PEX14: variants seen among roughly 807,000 people sequenced by gnomAD.
The protein encoded by PEX14 is peroxisomal biogenesis factor 14.
PEX14 carries 15 observed loss-of-function variants against 49.5 expected under a neutral mutation model. That is an observed-to-expected ratio of 0.30 (90% CI 0.20 to 0.47). PEX14 has a LOEUF of 0.47. PEX14 is among the 20% of genes least tolerant of loss of function. The pLI is 1.00. For missense variants in PEX14, 398 were observed against 494.8 expected (o/e 0.80, Z 1.86); for synonymous variants, 210 against 212.7 (o/e 0.99, Z 0.11).
chr1:10,497,608 C>G (rs1018968509), intron 2 of PEX14, among the ~76,000 whole-genome samples: 2 of 152,176 alleles, frequency 1.3e-5, no homozygotes, highest in Non-Finnish European at 2.9e-5. Flanking sequence ...AATAGCACAA[C>G]ATTGTGTATC....
At chr1:10,563,960 A>G (rs2124536047) in intron 3 of PEX14, among the ~76,000 whole-genome samples, 1 of 152,018 alleles carries the variant, frequency 6.6e-6, no homozygotes, top group African/African-American at 2.4e-5. Context: ...TTCTATTGTC[A>G]TCTTTCAGTC....
At chr1:10,605,512 G>T (rs1641100845) in intron 4 of PEX14, among the ~76,000 whole-genome samples, 1 of 152,254 alleles carries the variant, frequency 6.6e-6, no homozygotes, top group East Asian at 1.9e-4. Flanking sequence ...TGGCTTTGAA[G>T]ATCAGTCAGC....
intron 3 of PEX14, among the ~76,000 whole-genome samples, chr1:10,562,890 G>T (rs796870644): frequency 6.7e-5 from 10 of 149,392 alleles, no homozygotes; most frequent in African/African-American, 1.7e-4. Context: ...TTGCTGAATG[G>T]TGATTTTCTT....
rs187823949 is a variant in PEX14 at position 10,483,383 on chromosome 1, C to T, written c.36+8381C>T. ...CCAGGGTGGAGTGCAGTGGTATGAT[C>T]TCGGCTTACTGCAATCTCCACTTCC... is the stretch of plus-strand genomic sequence containing the variant. On this transcript the variant is annotated intron_variant, in intron 1 of 8. Transcript: ENST00000356607. Among the ~76,000 whole-genome samples, 104 of 152,208 alleles carry T rather than the reference C, an allele frequency of 6.8e-4. 1 individual carries two copies. The highest frequency in any genetic ancestry group is 6.7e-3 in the Admixed American group (103 of 15,274).
In PEX14 at chr1:10,552,807, C is replaced by G. The variant is rs187371508; in HGVS notation, c.169+16510C>G. Among the ~76,000 whole-genome samples, 82 of 152,070 alleles carry G rather than the reference C, an allele frequency of 5.4e-4. 1 individual carries two copies. In the South Asian group the frequency reaches 0.012, roughly 22 times the overall value. On this transcript the variant is annotated intron_variant, in intron 3 of 8. Transcript: ENST00000356607. ...TGTGGTAGGGGAGGAGAACTAGTGGCGAAGAGGTTAAAAAGGTGCCTCCAT... is the reference window on the plus strand; with the variant it reads ...TGTGGTAGGGGAGGAGAACTAGTGGGGAAGAGGTTAAAAAGGTGCCTCCAT...
intron 2 of PEX14, among the ~76,000 whole-genome samples, chr1:10,519,727 A>G (rs1642033242): frequency 6.6e-6 from 1 of 152,254 alleles, no homozygotes; most frequent in African/African-American, 2.4e-5. Context: ...GGTGGAAAGA[A>G]GAATTCATTG....
intron 2 of PEX14, among the ~76,000 whole-genome samples, chr1:10,530,007 C>CAGGT (rs1163351950): frequency 1.3e-5 from 2 of 152,162 alleles, no homozygotes; most frequent in African/African-American, 4.8e-5. Flanking sequence ...GCTCCTTACC[C>CAGGT]AGGTGCAGGA....
chr1:10,581,159 C>T (rs1304512552), intron 3 of PEX14, among the ~76,000 whole-genome samples: 2 of 151,950 alleles, frequency 1.3e-5, no homozygotes, highest in Non-Finnish European at 2.9e-5. Context: ...GCTGTTGCCA[C>T]GTCTGAGGCT....
intron 3 of PEX14, among the ~76,000 whole-genome samples, chr1:10,582,877 G>A (rs1640363600): frequency 6.6e-6 from 1 of 151,980 alleles, no homozygotes; most frequent in African/African-American, 2.4e-5. Flanking sequence ...GGGATTACAG[G>A]CGCCTGCCAC....
rs566975870 is a variant in PEX14 at position 10,603,847 on chromosome 1, C to T, written c.298+4481C>T. On this transcript the variant is annotated intron_variant, in intron 4 of 8. Transcript: ENST00000356607. ...CTGTCTTTGATAAACAATTTAAACC[C>T]CTTCAAAGACTGACCTAGAGCTTCA... Among the ~76,000 whole-genome samples, 3 of 152,222 alleles carry T rather than the reference C, an allele frequency of 2.0e-5. No individual in the cohort carries two copies. In the South Asian group the frequency reaches 6.2e-4, roughly 32 times the overall value.
chr1:10,629,927 C>G lies in PEX14; in HGVS notation c.1074C>G (p.Asn358Lys). The change falls in exon 9 of 9, where the codon AAC becomes AAG. Residue 358 changes from asparagine (N) to lysine (K), a missense_variant. By Grantham distance (94) the Asn-to-Lys change is moderately conservative. Transcript: ENST00000356607. The surrounding 1 kb of genome is among the most constrained non-coding windows in gnomAD (Gnocchi z 8.5). ...EDRRGGDGQI[N>K]EQVEKLRRPE... ...GCCGGGGCGGGGATGGGCAGATCAA[C>G]GAGCAGGTGGAGAAGCTGCGGCGGC... is the stretch of plus-strand genomic sequence containing the variant. 1 of 1,612,994 alleles carries G rather than the reference C, an allele frequency of 6.2e-7. No homozygotes were observed. The highest frequency in any genetic ancestry group is 8.5e-7 in the Non-Finnish European group (1 of 1,179,816).
intron 3 of PEX14, among the ~76,000 whole-genome samples, chr1:10,540,929 A>G (rs1638988131): frequency 6.6e-6 from 1 of 152,172 alleles, no homozygotes; most frequent in Non-Finnish European, 1.5e-5. Flanking sequence ...ATTTAGATTC[A>G]TTCCTCTGTT....
At chr1:10,624,110 A>AACTAGTTT in intron 6 of PEX14, among the ~76,000 whole-genome samples, 1 of 152,312 alleles carries the variant, frequency 6.6e-6, no homozygotes, top group South Asian at 2.1e-4. Context: ...TATACTGTTG[A>AACTAGTTT]CCATGGACAA....
intron 1 of PEX14, among the ~76,000 whole-genome samples, chr1:10,492,666 G>T (rs12033915): frequency 6.6e-6 from 1 of 152,198 alleles, no homozygotes; most frequent in East Asian, 1.9e-4. Context: ...ATGAACGGAA[G>T]AATCTAAATA....
At chr1:10,500,432 C>T (rs1483969239) in intron 2 of PEX14, among the ~76,000 whole-genome samples, 1 of 149,464 alleles carries the variant, frequency 6.7e-6, no homozygotes, top group Non-Finnish European at 1.5e-5. Context: ...CAGCCGGTTG[C>T]CTGTCTGCCA....
chr1:10,558,736 CAAAAA>C (rs34343338), intron 3 of PEX14, among the ~76,000 whole-genome samples: 3 of 113,434 alleles, frequency 2.6e-5, no homozygotes, highest in Admixed American at 9.1e-5. Flanking sequence ...GACCCTGTCT[CAAAAA>C]AAAAAAAAAA....
At chr1:10,508,495 A>C (rs1038389254) in intron 2 of PEX14, among the ~76,000 whole-genome samples, 2 of 151,942 alleles carry the variant, frequency 1.3e-5, no homozygotes, top group African/African-American at 2.4e-5. Flanking sequence ...CCGGCCTTGG[A>C]TGTGCCAGAT....
chr1:10,547,821 A>G (rs1480263988), intron 3 of PEX14, among the ~76,000 whole-genome samples: 1 of 152,140 alleles, frequency 6.6e-6, no homozygotes, highest in Non-Finnish European at 1.5e-5. Context: ...TTTTTAGAAG[A>G]CTTGGGCCTT....
At chr1:10,513,216 G>T (rs1641914766) in intron 2 of PEX14, among the ~76,000 whole-genome samples, 1 of 147,606 alleles carries the variant, frequency 6.8e-6, no homozygotes, top group Non-Finnish European at 1.5e-5. Flanking sequence ...TATACACTGG[G>T]GTAGGATTCC....
Sources: gnomAD v4.1 joint callset for allele counts (sites outside exome capture counted in the v4.1 genomes callset) on GRCh38, gnomAD v4.1.1 for gene constraint, Gnocchi (gnomAD v3.1) non-coding constraint, MANE v1.5 for transcripts, NCBI Gene and HGNC (gene_info 2026-07-23, HGNC 2026-07-21) for gene names.